ANXA11: variants seen among roughly 807,000 people sequenced by gnomAD.
The protein encoded by ANXA11 is 56 kDa autoantigen.
In ANXA11, 57 loss-of-function variants were observed where a neutral mutation model predicts 64.7. The ratio of observed to expected loss-of-function variants is 0.88; its 90% CI spans 0.71 to 1.10. ANXA11 has a LOEUF of 1.10. ANXA11 is among the 50% of genes least tolerant of loss of function. ANXA11 has a pLI of 0.00. For missense variants in ANXA11, 675 were observed against 670.7 expected, an observed-to-expected ratio of 1.01 and a Z score of -0.07; for synonymous variants, 260 against 265.2, an observed-to-expected ratio of 0.98 and a Z score of 0.19.
At chr10:80,166,026 G>A (rs532364391) in intron 8 of ANXA11, 58 bp downstream of exon 8, 9 of 1,042,774 alleles carry the variant, frequency 8.6e-6, no homozygotes, top group African/African-American at 7.0e-5. Context: ...GCATGCGCGC[G>A]TGCGCACACA....
At position 80,154,782 on chromosome 10, in the gene ANXA11, C is replaced by T. The variant is rs547386631; in HGVS notation, c.*1071G>A. The T allele has an allele frequency of 5.9e-5, 9 of 152,412 alleles. No homozygotes were observed. The highest frequency in any genetic ancestry group is 2.1e-4 in the South Asian group (1 of 4,830). 9.4% of individuals were successfully genotyped at this position (152,412 alleles called of 1,614,324 possible). On this transcript the variant is annotated 3_prime_UTR_variant, in exon 16 of 16. Coordinates refer to ENST00000422982, the MANE Select transcript of ANXA11 (RefSeq NM_145868.2). ...GACTCTCTGGGTTGTCCCCATCCTT[C>T]TCTCTGGCCCCCGCCGAGGGGCACC...
chr10:80,190,483 A>ATTT (rs1225312907), intron 1 of ANXA11, among the ~76,000 whole-genome samples: 6 of 110,054 alleles, frequency 5.5e-5, no homozygotes, highest in Non-Finnish European at 1.1e-4. Flanking sequence ...ATTTACAATA[A>ATTT]ATTTTTTTTT....
At chr10:80,162,795 T>C (rs1845567422) in intron 11 of ANXA11, among the ~76,000 whole-genome samples, 1 of 152,156 alleles carries the variant, frequency 6.6e-6, no homozygotes, top group South Asian at 2.1e-4. Context: ...CACCAGGAAG[T>C]AATGGCTCTG....
At chr10:80,156,243 A>T (rs1845270772) in intron 15 of ANXA11, 1 of 419,960 alleles carries the variant, frequency 2.4e-6, no homozygotes, top group Admixed American at 3.7e-5. Context: ...GCTGCCTTAA[A>T]TTGGGGTTAC....
intron 1 of ANXA11, among the ~76,000 whole-genome samples, chr10:80,187,904 A>G (rs1846609347): frequency 6.6e-6 from 1 of 152,074 alleles, no homozygotes; most frequent in Non-Finnish European, 1.5e-5. Context: ...CTGGGCCCAC[A>G]GGGATGTGCC....
intron 2 of ANXA11, among the ~76,000 whole-genome samples, chr10:80,173,491 G>A (rs757634996): frequency 1.6e-4 from 24 of 152,230 alleles, no homozygotes; most frequent in South Asian, 1.4e-3. Context: ...TTCTGCAGTA[G>A]AGGCTGCTGA....
chr10:80,179,262 T>C (rs1421692625), intron 1 of ANXA11, among the ~76,000 whole-genome samples: 2 of 152,126 alleles, frequency 1.3e-5, no homozygotes, highest in Non-Finnish European at 2.9e-5. Context: ...GATTGTAAGT[T>C]TCCTGAGGCC....
intron 1 of ANXA11, among the ~76,000 whole-genome samples, chr10:80,188,956 G>C (rs570748262): frequency 2.6e-5 from 4 of 152,248 alleles, no homozygotes; most frequent in Non-Finnish European, 5.9e-5. Context: ...GAAAATGCTG[G>C]TAAGGGGAGG....
rs766145443 is a variant in ANXA11 at position 80,157,986 on chromosome 10, C to T, written c.1316G>A (p.Arg439Lys). The T allele has an allele frequency of 1.9e-6, 3 of 1,614,116 alleles. No individual in the cohort carries two copies. Among genetic ancestry groups the T allele is most frequent in the Admixed American group, 3.3e-5 (2 of 60,024 alleles). ...ACATACCCTCATGGCCTTGTTGAGC[C>T]TCTCCGCAAAGAAGGCTGGGGTATT... ...LKNTPAFFAE[R>K]LNKAMRGAGT... is the part of the protein sequence containing the mutation. The change falls in exon 14 of 16, where the codon AGG (arginine) becomes AAG (lysine). Residue 439 changes from arginine (R) to lysine (K), a missense_variant. By Grantham distance (26) the Arg-to-Lys change is conservative. Coordinates refer to ENST00000422982, the MANE Select transcript of ANXA11 (RefSeq NM_145868.2).
At position 80,155,905 on chromosome 10, in the gene ANXA11, G is replaced by C. The variant is rs762218493; in HGVS notation, c.1466C>G (p.Thr489Ser). The C allele has an allele frequency of 6.2e-7, 1 of 1,614,040 alleles. No individual in the cohort carries two copies. Among genetic ancestry groups the C allele is most frequent in the African/African-American group, 1.3e-5 (1 of 74,946 alleles). The stretch of plus-strand genomic sequence containing the variant: ...CAGAATCTTCCGGTAATCCCCTGAA[G>C]TATCTCCCTGGCCACAGAAACAAGG... ...KSLYHDISGDTSGDYRKILLK... is the reference protein window; with the variant it reads ...KSLYHDISGDSSGDYRKILLK... Residue 489 changes from threonine (T) to serine (S), a missense_variant, in exon 16 of 16, where the codon ACT becomes AGT. Transcript: ENST00000422982.
chr10:80,176,320 G>C (rs1162352396), intron 1 of ANXA11, among the ~76,000 whole-genome samples, 165 bp from the exon 2 acceptor site: 1 of 152,178 alleles, frequency 6.6e-6, no homozygotes, highest in Non-Finnish European at 1.5e-5. Flanking sequence ...AAGATGCAAT[G>C]ACCACCATTA....
Position 80,163,360 on chromosome 10 carries a change from T to TCCTGGGCGAGTGACATGTCAC in ANXA11, c.1074_1075insGTGACATGTCACTCGCCCAGG (p.Gln358_Arg359insValThrCysHisSerProArg), listed in dbSNP as rs1384347295. On this transcript the variant is annotated inframe_insertion, in exon 11 of 16. Transcript: ENST00000422982. ...GCCATCACACTCACCTGGGCATCTC[T>TCCTGGGCGAGTGACATGTCAC]CTGGGCGAGTGACATGTCCACGTTT... The TCCTGGGCGAGTGACATGTCAC allele has an allele frequency of 6.2e-7, 1 of 1,613,432 alleles. No individual in the cohort carries two copies. Among genetic ancestry groups the TCCTGGGCGAGTGACATGTCAC allele is most frequent in the South Asian group, 1.1e-5 (1 of 91,044 alleles).
intron 6 of ANXA11, 116 bp from the exon 7 acceptor site, chr10:80,167,100 T>A: frequency 7.9e-7 from 1 of 1,263,922 alleles, no homozygotes; most frequent in Non-Finnish European, 1.1e-6. Context: ...TACCCCCACA[T>A]CCACCTTCTA....
At chr10:80,190,874 T>C (rs1817211733) in intron 1 of ANXA11, among the ~76,000 whole-genome samples, 1 of 151,370 alleles carries the variant, frequency 6.6e-6, no homozygotes, top group African/African-American at 2.4e-5. Flanking sequence ...GCGGACTGCA[T>C]GAGGCCAGGA....
At chr10:80,168,768 C>G (rs111438671) in intron 5 of ANXA11, among the ~76,000 whole-genome samples, 205 of 152,272 alleles carry the variant, frequency 1.3e-3, no homozygotes, top group African/African-American at 4.6e-3. Context: ...AACTCCTGGG[C>G]TCAAGCGATC....
chr10:80,163,693 G>A (rs1326503620), intron 9 of ANXA11, 80 bp from the exon 10 acceptor site: 7 of 1,334,974 alleles, frequency 5.2e-6, no homozygotes, highest in Non-Finnish European at 7.3e-6. Flanking sequence ...TCAAAAGTGG[G>A]TACTGGGGAG....
At chr10:80,158,120 G>A (rs1476696543) in intron 13 of ANXA11, 95 bp from the exon 14 acceptor site, 8 of 1,125,822 alleles carry the variant, frequency 7.1e-6, no homozygotes, top group East Asian at 4.7e-5. Flanking sequence ...AGGCCCAGAT[G>A]TCAAACCCAT....
intron 1 of ANXA11, among the ~76,000 whole-genome samples, chr10:80,185,393 G>A (rs1027674414): frequency 1.2e-4 from 19 of 152,216 alleles, no homozygotes; most frequent in African/African-American, 4.3e-4. Context: ...TTTAAGGAGC[G>A]AGACAGGCAG....
intron 2 of ANXA11, among the ~76,000 whole-genome samples, chr10:80,174,552 C>T (rs1405680920): frequency 6.6e-6 from 1 of 151,098 alleles, no homozygotes; most frequent in African/African-American, 2.4e-5. Flanking sequence ...GTTAAGATTA[C>T]AGGCATGAGC....
Sources: allele counts gnomAD v4.1 joint callset (sites outside exome capture counted in the v4.1 genomes callset), GRCh38; gene constraint gnomAD v4.1.1; transcripts MANE v1.5; gene names NCBI Gene and HGNC (gene_info 2026-07-23, HGNC 2026-07-21).